The following SLIT3 variants were observed in gnomAD, a reference collection of about 807,000 sequenced individuals.
SLIT3 encodes slit guidance ligand 3.
Under a neutral mutation model 184.0 loss-of-function variants are expected in SLIT3, and 68 were observed. The ratio of observed to expected loss-of-function variants is 0.37; its 90% CI spans 0.30 to 0.45. SLIT3 has a LOEUF of 0.45. Among genes scored for constraint, SLIT3 ranks in the 20% least tolerant of loss-of-function variants. The probability of loss-of-function intolerance (pLI) is 1.00; values close to 1 mark genes in which losing one functional copy is unlikely to be tolerated. For synonymous variants in SLIT3, 831 were observed against 828.6 expected, an observed-to-expected ratio of 1.00 and a Z score of -0.05; for missense variants, 1,707 against 2,026.0, an observed-to-expected ratio of 0.84 and a Z score of 3.02.
intron 4 of SLIT3, among the ~76,000 whole-genome samples, chr5:168,940,986 G>A (rs1762314330): frequency 6.6e-6 from 1 of 152,058 alleles, no homozygotes; most frequent in Non-Finnish European, 1.5e-5. Flanking sequence ...CAAGGCTCTC[G>A]GATAAAAGCA....
intron 5 of SLIT3, among the ~76,000 whole-genome samples, chr5:168,853,358 T>C (rs1398076042): frequency 6.6e-6 from 1 of 152,224 alleles, no homozygotes; most frequent in Non-Finnish European, 1.5e-5. Flanking sequence ...ATCTCATTTC[T>C]TGGTGGCTAC....
At chr5:169,245,856 T>G (rs571080163) in intron 2 of SLIT3, among the ~76,000 whole-genome samples, 10 of 152,146 alleles carry the variant, frequency 6.6e-5, no homozygotes, top group Non-Finnish European at 1.5e-4. Context: ...TGTGTTTAGT[T>G]CCCAAGTCTA....
At chr5:169,151,364 C>G (rs1321271402) in intron 4 of SLIT3, among the ~76,000 whole-genome samples, 1 of 152,182 alleles carries the variant, frequency 6.6e-6, no homozygotes, top group African/African-American at 2.4e-5. Flanking sequence ...CTTCCCTGAG[C>G]TCCATCCATA....
At chr5:168,780,978 G>A (rs371228863) in intron 12 of SLIT3, among the ~76,000 whole-genome samples, 1 of 152,166 alleles carries the variant, frequency 6.6e-6, no homozygotes, top group Admixed American at 6.5e-5. Context: ...AACACTCAAG[G>A]GGAAACAGGA....
intron 4 of SLIT3, among the ~76,000 whole-genome samples, chr5:169,136,540 A>T (rs1317103125): frequency 1.3e-5 from 2 of 152,186 alleles, no homozygotes; most frequent in Non-Finnish European, 2.9e-5. Context: ...GCAGGAAACA[A>T]TAGTCCCGTC....
Position 169,216,202 on chromosome 5 carries a change from C to T in SLIT3, c.342-22652G>A, listed in dbSNP as rs533190584. On this transcript the variant is annotated intron_variant, in intron 3 of 35. Transcript: ENST00000519560. The stretch of plus-strand genomic sequence containing the variant: ...TGCCCTGATCAGCTCACACACTGTG[C>T]CACCAGCCAGGGGTCAGGTGGCTAG... Among the ~76,000 whole-genome samples, 9 of 152,278 alleles carry T rather than the reference C, an allele frequency of 5.9e-5. No individual in the cohort carries two copies. The South Asian group carries it at 1.5e-3, about 25-fold the overall frequency.
chr5:168,944,537 G>A (rs1291628854), intron 4 of SLIT3, among the ~76,000 whole-genome samples: 3 of 152,056 alleles, frequency 2.0e-5, no homozygotes, highest in South Asian at 2.1e-4. Context: ...TTCCCCCACC[G>A]AAGCATGCCA....
rs1446797772 is a variant in SLIT3 at position 168,844,715 on chromosome 5, C to T, written c.486-60G>A. 2.6e-6 allele frequency: 4 copies of T among 1,523,012 alleles called. No homozygotes were observed. The East Asian group carries it at 9.0e-5, about 34-fold the overall frequency. 94.3% of individuals were successfully genotyped at this position (1,523,012 alleles called of 1,614,324 possible). On this transcript the variant is annotated intron_variant, in intron 5 of 35. Transcript: ENST00000519560. Reference sequence around the variant, plus strand: ...CGGGGGCAGCGTGAGGGGCCGGCGGCCCAGGCCACCCGAGCGCCTGTCCCT... The same window carrying T: ...CGGGGGCAGCGTGAGGGGCCGGCGGTCCAGGCCACCCGAGCGCCTGTCCCT...
intron 3 of SLIT3, among the ~76,000 whole-genome samples, chr5:169,218,661 G>A (rs1021010613): frequency 6.6e-6 from 1 of 152,236 alleles, no homozygotes; most frequent in African/African-American, 2.4e-5. Flanking sequence ...TCTAGGCAAA[G>A]GGGGAGACTT....
chr5:168,953,167 G>T (rs755173257), intron 4 of SLIT3, among the ~76,000 whole-genome samples: 16 of 152,158 alleles, frequency 1.1e-4, no homozygotes, highest in Admixed American at 6.5e-5. Flanking sequence ...GGACTCAAAG[G>T]ATCCTGACTA....
chr5:168,941,173 G>C (rs991847910), intron 4 of SLIT3, among the ~76,000 whole-genome samples: 1 of 152,010 alleles, frequency 6.6e-6, no homozygotes, highest in African/African-American at 2.4e-5. Context: ...TTTTTGGGGG[G>C]CTTCCACAAA....
At chr5:168,682,495 G>A (rs900651326) in intron 32 of SLIT3, among the ~76,000 whole-genome samples, 4 of 152,314 alleles carry the variant, frequency 2.6e-5, no homozygotes, top group South Asian at 2.1e-4. Flanking sequence ...CTGAAAATGT[G>A]TATTTCTATC....
At chr5:168,692,544 C>T (rs971930902) in intron 29 of SLIT3, 63 bp downstream of exon 29, 2 of 1,139,426 alleles carry the variant, frequency 1.8e-6, no homozygotes, top group Non-Finnish European at 2.6e-6. Context: ...CTGCCTAAAA[C>T]CTAGACTGTT....
rs141968815 is a variant in SLIT3 at position 168,789,606 on chromosome 5, C to G, written c.1033G>C (p.Asp345His). 5.6e-6 allele frequency: 9 copies of G among 1,613,758 alleles called. No homozygotes were observed. Among genetic ancestry groups the G allele is most frequent in the Middle Eastern group, 1.6e-4 (1 of 6,062 alleles). ...RIDISKNQIS[D>H]IAPDAFQGLK... ...CCCTGGAAGGCATCTGGAGCAATATCCGATATCTGATTCTTGCTGATGTCT... is the reference window on the plus strand; with the variant it reads ...CCCTGGAAGGCATCTGGAGCAATATGCGATATCTGATTCTTGCTGATGTCT... The change falls in exon 11 of 36, where the codon GAT (aspartate) becomes CAT (histidine). Residue 345 changes from aspartate to histidine, a missense_variant. By Grantham distance (81) the Asp-to-His change is moderately conservative (BLOSUM62 -1). Transcript: ENST00000519560.
intron 4 of SLIT3, among the ~76,000 whole-genome samples, chr5:169,079,012 G>T (rs750864125): frequency 4.6e-5 from 7 of 152,104 alleles, no homozygotes; most frequent in Non-Finnish European, 8.8e-5. Context: ...GGAGGAGATT[G>T]GAAAAAAAAA....
intron 4 of SLIT3, among the ~76,000 whole-genome samples, chr5:169,044,398 T>C (rs1449796692): frequency 6.6e-6 from 1 of 152,194 alleles, no homozygotes; most frequent in East Asian, 1.9e-4. Flanking sequence ...TGGAATATTA[T>C]TCAGCCATAA....
intron 4 of SLIT3, among the ~76,000 whole-genome samples, chr5:168,946,874 G>C (rs1762498376): frequency 6.6e-6 from 1 of 152,088 alleles, no homozygotes; most frequent in Admixed American, 6.6e-5. Context: ...CTCTCCATTT[G>C]CAAAGCCTTT....
At chr5:169,189,969 G>A (rs1040037845) in intron 4 of SLIT3, among the ~76,000 whole-genome samples, 1 of 152,216 alleles carries the variant, frequency 6.6e-6, no homozygotes, top group Admixed American at 6.5e-5. Context: ...ACTGCATACA[G>A]TGGATGCTCA....
intron 4 of SLIT3, among the ~76,000 whole-genome samples, chr5:169,099,574 G>A (rs1274198871): frequency 4.6e-5 from 7 of 152,150 alleles, no homozygotes; most frequent in Non-Finnish European, 1.0e-4. Flanking sequence ...ATGATTATTA[G>A]CCCTATCTTA....
Sources: allele counts gnomAD v4.1 joint callset (sites outside exome capture counted in the v4.1 genomes callset), GRCh38; gene constraint gnomAD v4.1.1; transcripts MANE v1.5; gene names NCBI Gene and HGNC (gene_info 2026-07-23, HGNC 2026-07-21).